Variants in SNX29 observed in about 807,000 individuals in gnomAD.
SNX29 encodes sorting nexin-29.
In SNX29, 78 loss-of-function variants were observed where a neutral mutation model predicts 102.1. The ratio of observed to expected loss-of-function variants is 0.76; its 90% CI spans 0.64 to 0.92. SNX29 has a LOEUF of 0.92. Among genes scored for constraint, SNX29 ranks in the 40% least tolerant of loss-of-function variants. The pLI is 0.00. For missense variants in SNX29, 1,280 were observed against 1,061.7 expected (o/e 1.21, Z -2.86); for synonymous variants, 580 against 414.5 (o/e 1.40, Z -4.85).
intron 16 of SNX29, among the ~76,000 whole-genome samples, chr16:12,387,579 A>G (rs1441614374): frequency 6.6e-6 from 1 of 152,148 alleles, no homozygotes; most frequent in Non-Finnish European, 1.5e-5. Context: ...AGTGCTTATT[A>G]TTGTGCAGCC....
intron 14 of SNX29, among the ~76,000 whole-genome samples, chr16:12,200,639 T>C (rs1173321525): frequency 1.3e-5 from 2 of 152,096 alleles, no homozygotes; most frequent in African/African-American, 2.4e-5. Flanking sequence ...TCTGCCACCA[T>C]GCCCAGCTAA....
chr16:12,542,099 C>G lies in SNX29; in HGVS notation c.2318+17258C>G, dbSNP rs530591733. On this transcript the variant is annotated intron_variant, in intron 20 of 20. Coordinates refer to ENST00000566228, the MANE Select transcript of SNX29 (RefSeq NM_032167.5). ...TCCAAATCCTGCAATATTGTCTCTT[C>G]CCAACGGATCCCTAAATTGAGCCAG... is the stretch of plus-strand genomic sequence containing the variant. Among the ~76,000 whole-genome samples the G allele has an allele frequency of 2.6e-5, 4 of 152,206 alleles. No individual in the cohort carries two copies. The South Asian group carries it at 8.3e-4, about 32-fold the overall frequency.
At chr16:12,123,552 G>T (rs1364028332) in intron 11 of SNX29, among the ~76,000 whole-genome samples, 1 of 151,834 alleles carries the variant, frequency 6.6e-6, no homozygotes, top group Non-Finnish European at 1.5e-5. Context: ...ATACATCTAT[G>T]CAGGGGAATA....
At chr16:12,220,560 A>G (rs1469888305) in intron 14 of SNX29, among the ~76,000 whole-genome samples, 1 of 152,038 alleles carries the variant, frequency 6.6e-6, no homozygotes, top group Admixed American at 6.6e-5. Flanking sequence ...GCCAATTTGC[A>G]TGTTTCTTCC....
At chr16:12,546,966 C>T (rs982025921) in intron 20 of SNX29, among the ~76,000 whole-genome samples, 11 of 152,148 alleles carry the variant, frequency 7.2e-5, no homozygotes, top group African/African-American at 2.7e-4. Context: ...CTCCATCCAC[C>T]CATTCCTCCA....
At chr16:12,195,476 C>T (rs998026271) in intron 13 of SNX29, among the ~76,000 whole-genome samples, 30 of 152,322 alleles carry the variant, frequency 2.0e-4, no homozygotes, top group African/African-American at 6.0e-4. Flanking sequence ...CAACTGCTTA[C>T]ATTTATGAGA....
At chr16:12,398,423 T>C (rs1479497228) in intron 16 of SNX29, 23 bp from the exon 17 acceptor site, 2 of 1,613,614 alleles carry the variant, frequency 1.2e-6, no homozygotes, top group Non-Finnish European at 8.5e-7. Context: ...TTTTCTCCCC[T>C]CTCCCCCTTC....
At chr16:12,563,172 C>T (rs971638141) in intron 20 of SNX29, among the ~76,000 whole-genome samples, 8 of 147,154 alleles carry the variant, frequency 5.4e-5, no homozygotes, top group Non-Finnish European at 7.4e-5. Flanking sequence ...ACTCTGGGCT[C>T]AGGGATGTCA....
Position 12,569,384 on chromosome 16 carries a change from G to C in SNX29, c.*755G>C, listed in dbSNP as rs1488567851. 4 of 230,434 alleles carry C rather than the reference G, an allele frequency of 1.7e-5. No individual in the cohort carries two copies. The highest frequency in any genetic ancestry group is 3.4e-5 in the Non-Finnish European group (4 of 116,426). The allele number at this position is 230,434 out of a possible 1,614,324, so 14.3% of individuals were successfully genotyped here. A position where few individuals can be genotyped will look rare whatever the true frequency, so the allele number is the denominator to read the frequency against. ...TGGAGTGGGGGGACTCAGACATCTG[G>C]CCCAGCCATCAGCAGCAACCTAGTA... is the stretch of plus-strand genomic sequence containing the variant. On this transcript the variant is annotated 3_prime_UTR_variant, in exon 21 of 21. Transcript: ENST00000566228.
chr16:12,439,335 C>G (rs149880351), intron 18 of SNX29, among the ~76,000 whole-genome samples: 23 of 152,296 alleles, frequency 1.5e-4, no homozygotes, highest in African/African-American at 5.5e-4. Flanking sequence ...GTAGTGGGTC[C>G]TGATTTTCCG....
At position 12,572,737 on chromosome 16, in the gene SNX29, A is replaced by C. The variant is rs549508292; in HGVS notation, c.*4108A>C. 4.1e-4 allele frequency: 431 copies of C among 1,063,650 alleles called. No homozygotes were observed. The highest frequency in any genetic ancestry group is 3.8e-4 in the Non-Finnish European group (331 of 878,322). 65.9% of individuals were successfully genotyped at this position (1,063,650 alleles called of 1,614,324 possible). On this transcript the variant is annotated 3_prime_UTR_variant, in exon 21 of 21. Coordinates refer to ENST00000566228, the MANE Select transcript of SNX29 (RefSeq NM_032167.5). ...TTGGCACAGAACTGATGGCAAAGGA[A>C]GGGCTGGGTTTTCAGCTTCTGGGAC...
At chr16:12,567,402 T>C (rs2079056568) in intron 20 of SNX29, among the ~76,000 whole-genome samples, 1 of 152,226 alleles carries the variant, frequency 6.6e-6, no homozygotes, top group African/African-American at 2.4e-5. Context: ...TTACTTCCTA[T>C]TCAAATAGCG....
chr16:12,147,268 G>C (rs958788877), intron 13 of SNX29, among the ~76,000 whole-genome samples: 2 of 152,214 alleles, frequency 1.3e-5, no homozygotes, highest in African/African-American at 4.8e-5. Context: ...TAAGGGAAAA[G>C]GGAGAAGGTT....
intron 11 of SNX29, among the ~76,000 whole-genome samples, chr16:12,082,809 T>A (rs1480611633): frequency 6.6e-6 from 1 of 152,114 alleles, no homozygotes; most frequent in Non-Finnish European, 1.5e-5. Flanking sequence ...CTACCCTGGA[T>A]GTCATCCAGC....
At chr16:12,082,977 G>C (rs1268573577) in intron 11 of SNX29, among the ~76,000 whole-genome samples, 1 of 152,106 alleles carries the variant, frequency 6.6e-6, no homozygotes, top group African/African-American at 2.4e-5. Flanking sequence ...ACCATAACAA[G>C]GGGCCACAGA....
At chr16:12,284,079 G>A (rs766729666) in intron 15 of SNX29, among the ~76,000 whole-genome samples, 14 of 152,178 alleles carry the variant, frequency 9.2e-5, no homozygotes. Context: ...ATTTCCTTTG[G>A]TTTGGACTCA....
chr16:12,496,979 C>A (rs893968474), intron 19 of SNX29, among the ~76,000 whole-genome samples: 6 of 152,184 alleles, frequency 3.9e-5, no homozygotes, highest in African/African-American at 1.4e-4. Flanking sequence ...TGCCCCTCAC[C>A]ACTGTTGGGA....
chr16:12,244,081 A>G (rs1239564727), intron 14 of SNX29, among the ~76,000 whole-genome samples: 1 of 152,156 alleles, frequency 6.6e-6, no homozygotes, highest in Non-Finnish European at 1.5e-5. Context: ...TGCGCAGCTC[A>G]CAATACGGTT....
At chr16:12,227,793 G>C (rs770765225) in intron 14 of SNX29, among the ~76,000 whole-genome samples, 4 of 151,476 alleles carry the variant, frequency 2.6e-5, no homozygotes, top group South Asian at 2.1e-4. Flanking sequence ...CCAGCTACTC[G>C]GGAGGCTGAG....
Sources: allele counts gnomAD v4.1 joint callset (sites outside exome capture counted in the v4.1 genomes callset), GRCh38; gene constraint gnomAD v4.1.1; transcripts MANE v1.5; gene names NCBI Gene and HGNC (gene_info 2026-07-23, HGNC 2026-07-21).